Variants in ZBP1 observed in about 807,000 individuals in gnomAD.
ZBP1 encodes the protein Z-DNA binding protein 1.
Under a neutral mutation model 41.1 loss-of-function variants are expected in ZBP1, and 42 were observed. That is an observed-to-expected ratio of 1.02 (90% CI 0.80 to 1.32). ZBP1 has a LOEUF of 1.32. Among genes scored for constraint, ZBP1 ranks in the 40% most tolerant of loss-of-function variants. ZBP1 has a pLI of 0.00. For missense variants in ZBP1, 562 were observed against 549.7 expected (o/e 1.02, Z -0.22); for synonymous variants, 214 against 205.2 (o/e 1.04, Z -0.37).
chr20:57,614,159 C>T (rs539354261), intron 4 of ZBP1, among the ~76,000 whole-genome samples: 5 of 152,158 alleles, frequency 3.3e-5, no homozygotes, highest in Non-Finnish European at 5.9e-5. Flanking sequence ...CTCAGCCTCC[C>T]GAGTAGCTGG....
chr20:57,612,543 A>C (rs1211091845), intron 5 of ZBP1, among the ~76,000 whole-genome samples: 1 of 149,494 alleles, frequency 6.7e-6, no homozygotes, highest in Non-Finnish European at 1.5e-5. Context: ...CCAAGGTTAC[A>C]GGGAGTGTCC....
Position 57,604,152 on chromosome 20 carries a change from C to T in ZBP1, c.*421G>A, listed in dbSNP as rs1227363250. On this transcript the variant is annotated 3_prime_UTR_variant, in exon 8 of 8. Transcript: ENST00000371173. ...CCTCCCAAAGTGCTGGGATTACAGG[C>T]GTGAGCCACTGCACCCAGTTGGGAT... 3 of 331,148 alleles carry T rather than the reference C, an allele frequency of 9.1e-6. No homozygotes were observed. The highest frequency in any genetic ancestry group is 1.2e-5 in the Non-Finnish European group (2 of 168,496). 20.5% of individuals were successfully genotyped at this position (331,148 alleles called of 1,614,324 possible).
chr20:57,616,528 G>GC lies in ZBP1; in HGVS notation c.35-61dup, dbSNP rs1467913882. ...GAGTCTCCCAGGTCCCCACAGTTGA[G>GC]CCCAGGCTGGAGGCTCCAGGAGGCA... On this transcript the variant is annotated intron_variant, in intron 1 of 7. Coordinates refer to ENST00000371173, the MANE Select transcript of ZBP1 (RefSeq NM_030776.3). 91 of 1,593,542 alleles carry GC rather than the reference G, an allele frequency of 5.7e-5. No homozygotes were observed. The Middle Eastern group carries it at 1.1e-3, about 19-fold the overall frequency.
At position 57,611,942 on chromosome 20, in the gene ZBP1, C is replaced by T. The variant is rs757713404; in HGVS notation, c.671-12G>A. 6.4e-7 allele frequency: 1 copy of T among 1,552,408 alleles called. No homozygotes were observed. The highest frequency in any genetic ancestry group is 2.0e-5 in the Admixed American group (1 of 51,094). On this transcript the variant is annotated splice_polypyrimidine_tract_variant and intron_variant, in intron 5 of 7. Transcript: ENST00000371173. ...TGGACCGGCGGAACCTGGCAGGGGACAGTGGCACAGCCTCACCGGAGATTA... is the reference window on the plus strand; with the variant it reads ...TGGACCGGCGGAACCTGGCAGGGGATAGTGGCACAGCCTCACCGGAGATTA...
In ZBP1 at chr20:57,617,854, G is replaced by GAA. The variant is rs59115564; in HGVS notation, c.35-1388_35-1387dup. The GAA allele has an allele frequency of 2.3e-3, 300 of 132,638 alleles. 3 individuals are homozygous for GAA. Among genetic ancestry groups the GAA allele is most frequent in the African/African-American group, 4.0e-3 (143 of 35,846 alleles). 8.2% of individuals were successfully genotyped at this position (132,638 alleles called of 1,614,324 possible). ...CAGCCTGGACAAGACCCCATCTCTG[G>GAA]AAAAAAAAAAAAAAAGGACTGAATG... On this transcript the variant is annotated intron_variant, in intron 1 of 7. Transcript: ENST00000371173.
chr20:57,605,452 T>G (rs1193176558), intron 7 of ZBP1, among the ~76,000 whole-genome samples: 1 of 152,228 alleles, frequency 6.6e-6, no homozygotes, highest in African/African-American at 2.4e-5. Flanking sequence ...ACCAGTGATC[T>G]TTGATGTTGC....
intron 6 of ZBP1, among the ~76,000 whole-genome samples, chr20:57,611,297 T>C (rs1445891355): frequency 1.3e-5 from 2 of 151,990 alleles, no homozygotes; most frequent in Non-Finnish European, 2.9e-5. Context: ...CAGACTGGAG[T>C]GCAGTGGTGC....
intron 2 of ZBP1, 26 bp downstream of exon 2, chr20:57,616,218 A>G: frequency 1.2e-6 from 2 of 1,611,306 alleles, no homozygotes; most frequent in Non-Finnish European, 1.7e-6. Context: ...GCAGGGTCAG[A>G]CCCGCCTCCC....
chr20:57,615,116 C>A, intron 3 of ZBP1, 56 bp from the exon 4 acceptor site: 1 of 1,580,870 alleles, frequency 6.3e-7, no homozygotes. Flanking sequence ...TGCATCTGCC[C>A]CACCGCTTCC....
At chr20:57,614,638 G>C (rs1187213618) in intron 4 of ZBP1, among the ~76,000 whole-genome samples, 1 of 152,116 alleles carries the variant, frequency 6.6e-6, no homozygotes. Flanking sequence ...ATTGGGAATG[G>C]GCCACCTCCG....
At position 57,610,595 on chromosome 20, in the gene ZBP1, T is replaced by C. The variant is rs2070637600; in HGVS notation, c.875-228A>G. On this transcript the variant is annotated intron_variant, in intron 6 of 7. Transcript: ENST00000371173. The surrounding 1 kb of genome is among the most constrained non-coding windows in gnomAD (Gnocchi z 5.5). ...TCTGCTCCACTGATCCCGCAGTGGG[T>C]CTGCCCCACTGATCCCGCCCGGCTG... 5.1e-6 allele frequency: 3 copies of C among 590,148 alleles called. No homozygotes were observed. The highest frequency in any genetic ancestry group is 9.1e-6 in the Non-Finnish European group (3 of 331,142). The allele number at this position is 590,148 out of a possible 1,614,324, so 36.6% of individuals were successfully genotyped here.
chr20:57,610,002 C>T lies in ZBP1; in HGVS notation c.1093+147G>A. ...CGGAGCCTCCACGCTGACTCTAGAG[C>T]TGCTGCTCCTCGCTGTGGGTGGGCA... On this transcript the variant is annotated intron_variant, in intron 7 of 7. Transcript: ENST00000371173. This position sits in a 1 kb window ranked among gnomAD's most constrained non-coding sequence, Gnocchi z 5.5. 1 of 883,402 alleles carries T rather than the reference C, an allele frequency of 1.1e-6. No homozygotes were observed. The allele number at this position is 883,402 out of a possible 1,614,324, so 54.7% of individuals were successfully genotyped here.
chr20:57,604,430 T>A lies in ZBP1; in HGVS notation c.*143A>T, dbSNP rs758448411. ...TGAACCCATCCCCATGCCAGGTCCATTCCCCCAAAACTGATTCATGCAGGT... is the reference window on the plus strand; with the variant it reads ...TGAACCCATCCCCATGCCAGGTCCAATCCCCCAAAACTGATTCATGCAGGT... On this transcript the variant is annotated 3_prime_UTR_variant, in exon 8 of 8. Transcript: ENST00000371173. The A allele has an allele frequency of 1.6e-5, 17 of 1,066,108 alleles. No homozygotes were observed. The highest frequency in any genetic ancestry group is 2.1e-5 in the Non-Finnish European group (15 of 700,768). 66.0% of individuals were successfully genotyped at this position (1,066,108 alleles called of 1,614,324 possible).
chr20:57,605,577 C>G (rs530535204), intron 7 of ZBP1, among the ~76,000 whole-genome samples: 1 of 152,316 alleles, frequency 6.6e-6, no homozygotes, highest in African/African-American at 2.4e-5. Context: ...CCTCCTCTCT[C>G]TCCCTCTCCT....
chr20:57,605,920 G>A lies in ZBP1; in HGVS notation c.1094-1151C>T, dbSNP rs528204814. ...TTGCACTCCAGCCTAGACAACGAGA[G>A]CAAAACTCCATCTCAAAAATAAATA... On this transcript the variant is annotated intron_variant, in intron 7 of 7. Coordinates refer to ENST00000371173, the MANE Select transcript of ZBP1 (RefSeq NM_030776.3). 2.8e-4 allele frequency among the ~76,000 whole-genome samples: 42 copies of A among 152,132 alleles called. No individual in the cohort carries two copies. In the South Asian group the frequency reaches 8.1e-3, roughly 29 times the overall value.
intron 5 of ZBP1, 114 bp from the exon 6 acceptor site, chr20:57,612,044 C>T (rs1402721964): frequency 2.1e-5 from 24 of 1,159,900 alleles, no homozygotes; most frequent in Admixed American, 1.4e-4. Context: ...ATCGAACTGG[C>T]GGCCAAAGAC....
chr20:57,611,639 C>T, intron 6 of ZBP1, 88 bp downstream of exon 6: 1 of 1,386,402 alleles, frequency 7.2e-7, no homozygotes, highest in South Asian at 1.3e-5. Context: ...CATCATGCTT[C>T]TCTTCCCAAA....
At chr20:57,611,564 CT>C (rs1279020590) in intron 6 of ZBP1, among the ~76,000 whole-genome samples, 162 bp downstream of exon 6, 2 of 152,062 alleles carry the variant, frequency 1.3e-5, no homozygotes, top group East Asian at 3.9e-4. Flanking sequence ...GCCTAGAGTG[CT>C]AGCTTTAAAA....
chr20:57,608,970 A>G (rs1230872802), intron 7 of ZBP1, among the ~76,000 whole-genome samples: 1 of 151,938 alleles, frequency 6.6e-6, no homozygotes, highest in Non-Finnish European at 1.5e-5. Context: ...TCCGCCTTCT[A>G]ATTCTTTTTT....
Sources: gnomAD v4.1 joint callset for allele counts (sites outside exome capture counted in the v4.1 genomes callset) on GRCh38, gnomAD v4.1.1 for gene constraint, Gnocchi (gnomAD v3.1) non-coding constraint, MANE v1.5 for transcripts, NCBI Gene and HGNC (gene_info 2026-07-23, HGNC 2026-07-21) for gene names.